The following GAL3ST2 variants were observed in gnomAD, a reference collection of about 807,000 sequenced individuals.
GAL3ST2 encodes the protein galactose-3-O-sulfotransferase 2.
A neutral mutation model predicts 12.9 loss-of-function variants in GAL3ST2; 16 were observed. The ratio of observed to expected loss-of-function variants is 1.24; its 90% CI spans 0.84 to 1.88. The LOEUF (loss-of-function observed/expected upper bound fraction) is 1.88, where lower values mean the gene tolerates loss of function less well. GAL3ST2 is among the 40% of genes most tolerant of loss of function. The probability of loss-of-function intolerance (pLI) is 0.00; values close to 1 mark genes in which losing one functional copy is unlikely to be tolerated. For synonymous variants in GAL3ST2, 302 were observed against 273.9 expected (o/e 1.10, Z -1.01); for missense variants, 639 against 571.8 (o/e 1.12, Z -1.20).
At chr2:241,787,485 A>T (rs1393529210) in intron 1 of GAL3ST2, among the ~76,000 whole-genome samples, 4 of 151,466 alleles carry the variant, frequency 2.6e-5, no homozygotes, top group Non-Finnish European at 4.4e-5. Flanking sequence ...GAGACTCCCT[A>T]ATCTCCCCAA....
chr2:241,787,689 G>A (rs549798936), intron 1 of GAL3ST2, among the ~76,000 whole-genome samples: 23 of 152,198 alleles, frequency 1.5e-4, no homozygotes, highest in African/African-American at 5.5e-4. Flanking sequence ...GCTCTAGGAT[G>A]GTAGAGAGCT....
rs1314540900 is a variant in GAL3ST2, at chr2:241,793,772, GTAT to G, written c.30-5288_30-5286del. Among the ~76,000 whole-genome samples, 4 of 151,616 alleles carry G rather than the reference GTAT, an allele frequency of 2.6e-5. No homozygotes were observed. Among genetic ancestry groups the G allele is most frequent in the East Asian group, 1.9e-4 (1 of 5,156 alleles). ...TGTGTGTATTGTGTATGTGTAGTGT[GTAT>G]TATTTGTGTGTGTGTGTATTGTGTG... On this transcript the variant is annotated intron_variant, in intron 1 of 3. Coordinates refer to ENST00000192314, the MANE Select transcript of GAL3ST2 (RefSeq NM_022134.3). This position sits in a 1 kb window ranked among gnomAD's most constrained non-coding sequence, Gnocchi z 4.7.
At chr2:241,783,733 T>C (rs1318844132) in intron 1 of GAL3ST2, among the ~76,000 whole-genome samples, 1 of 152,282 alleles carries the variant, frequency 6.6e-6, no homozygotes, top group Non-Finnish European at 1.5e-5. Context: ...TTTAACGTTA[T>C]GAAACTGCTC....
In GAL3ST2 at chr2:241,795,569, G is replaced by C. The variant is rs74677324; in HGVS notation, c.30-3496G>C. ...AGAAACCCTGCTGGTGAAGTCCTGC[G>C]TGGGCCTTATCAGTGAGTTAATCTC... is the stretch of plus-strand genomic sequence containing the variant. On this transcript the variant is annotated intron_variant, in intron 1 of 3. Transcript: ENST00000192314. This position sits in a 1 kb window ranked among gnomAD's most constrained non-coding sequence, Gnocchi z 4.5. Among the ~76,000 whole-genome samples the C allele has an allele frequency of 6.6e-6, 1 of 152,194 alleles. No homozygotes were observed. The highest frequency in any genetic ancestry group is 1.5e-5 in the Non-Finnish European group (1 of 68,040).
intron 1 of GAL3ST2, among the ~76,000 whole-genome samples, chr2:241,781,609 A>T (rs963737294): frequency 6.9e-5 from 10 of 144,992 alleles, no homozygotes; most frequent in African/African-American, 2.6e-4. Flanking sequence ...GATAACATAC[A>T]TTAAATTATA....
chr2:241,777,443 C>G (rs1376320524), intron 1 of GAL3ST2, among the ~76,000 whole-genome samples: 1 of 152,132 alleles, frequency 6.6e-6, no homozygotes, highest in Non-Finnish European at 1.5e-5. Context: ...GACGGGGAGG[C>G]TGGGCTCTGC....
At position 241,801,647 on chromosome 2, in the gene GAL3ST2, T is replaced by C; in HGVS notation, c.120-134T>C. The C allele has an allele frequency of 2.5e-6, 3 of 1,200,360 alleles. No homozygotes were observed. Among genetic ancestry groups the C allele is most frequent in the Non-Finnish European group, 3.4e-6 (3 of 878,284 alleles). The allele number at this position is 1,200,360 out of a possible 1,614,324, so 74.4% of individuals were successfully genotyped here. A position where few individuals can be genotyped will look rare whatever the true frequency, so the allele number is the denominator to read the frequency against. On this transcript the variant is annotated intron_variant, in intron 2 of 3. Coordinates refer to ENST00000192314, the MANE Select transcript of GAL3ST2 (RefSeq NM_022134.3). The surrounding 1 kb of genome is among the most constrained non-coding windows in gnomAD (Gnocchi z 4.4). ...GGCCATGGGTCGGTGCCTACCCAGT[T>C]GGCCCCCTGGCCTAGAGTTGGGGGG...
chr2:241,790,269 C>T (rs1042235946), intron 1 of GAL3ST2, among the ~76,000 whole-genome samples: 4 of 152,122 alleles, frequency 2.6e-5, no homozygotes, highest in Admixed American at 2.6e-4. Context: ...TCATGGAGAG[C>T]AGAAATGTTC....
Position 241,801,698 on chromosome 2 carries a change from G to A in GAL3ST2, c.120-83G>A, listed in dbSNP as rs1440636862. The A allele has an allele frequency of 3.9e-6, 6 of 1,526,780 alleles. No individual in the cohort carries two copies. In the Admixed American group the frequency reaches 5.6e-5, roughly 14 times the overall value. The allele number at this position is 1,526,780 out of a possible 1,614,324, so 94.6% of individuals were successfully genotyped here. On this transcript the variant is annotated intron_variant, in intron 2 of 3. Transcript: ENST00000192314. The surrounding 1 kb of genome is among the most constrained non-coding windows in gnomAD (Gnocchi z 4.4). ...CTCAGGTTGGGAGGTCTCTCCTTGC[G>A]GTTGCCGGGCTGGGGGTCGCTGTTG...
rs771580370 is a variant in GAL3ST2 at position 241,803,694 on chromosome 2, G to A, written c.725G>A (p.Arg242His). 95 of 1,545,164 alleles carry A rather than the reference G, an allele frequency of 6.1e-5. No homozygotes were observed. Among genetic ancestry groups the A allele is most frequent in the Non-Finnish European group, 7.8e-5 (89 of 1,144,194 alleles). ...CTGGTGCTGCTGCGGCGCCGGCTGC[G>A]CTGGGCGCTGGACGACGTGGTGGCC... is the stretch of plus-strand genomic sequence containing the variant. ...ESLVLLRRRL[R>H]WALDDVVAFR... The change falls in exon 4 of 4, where the codon CGC becomes CAC. Residue 242 changes from arginine to histidine, a missense_variant. Physicochemically the swap from Arg to His is conservative, Grantham distance 29. Coordinates refer to ENST00000192314, the MANE Select transcript of GAL3ST2 (RefSeq NM_022134.3).
At chr2:241,780,207 G>A (rs1699549822) in intron 1 of GAL3ST2, among the ~76,000 whole-genome samples, 1 of 151,910 alleles carries the variant, frequency 6.6e-6, no homozygotes, top group African/African-American at 2.4e-5. Flanking sequence ...TCTAACAACA[G>A]GTGTACTATA....
In GAL3ST2 at chr2:241,801,227, CCTTT is replaced by C. The variant is rs1559418419; in HGVS notation, c.120-553_120-550del. 1 of 154,018 alleles carries C rather than the reference CCTTT, an allele frequency of 6.5e-6. No homozygotes were observed. Among genetic ancestry groups the C allele is most frequent in the African/African-American group, 2.4e-5 (1 of 41,456 alleles). The allele number at this position is 154,018 out of a possible 1,614,324, so 9.5% of individuals were successfully genotyped here. A position where few individuals can be genotyped will look rare whatever the true frequency, so the allele number is the denominator to read the frequency against. ...AACATGCGGTGTTTGGTTTTCTGTTCCTTTGTTAGTCTGCTGAGGATGATGGTTT... is the reference window on the plus strand; with the variant it reads ...AACATGCGGTGTTTGGTTTTCTGTTCGTTAGTCTGCTGAGGATGATGGTTT... On this transcript the variant is annotated intron_variant, in intron 2 of 3. Coordinates refer to ENST00000192314, the MANE Select transcript of GAL3ST2 (RefSeq NM_022134.3). This position sits in a 1 kb window ranked among gnomAD's most constrained non-coding sequence, Gnocchi z 4.4.
chr2:241,803,848 G>A lies in GAL3ST2; in HGVS notation c.879G>A (p.Gln293=), dbSNP rs1370266908. 1 of 1,461,400 alleles carries A rather than the reference G, an allele frequency of 6.8e-7. No homozygotes were observed. Among genetic ancestry groups the A allele is most frequent in the Non-Finnish European group, 9.0e-7 (1 of 1,115,858 alleles). The allele number at this position is 1,461,400 out of a possible 1,614,324, so 90.5% of individuals were successfully genotyped here. The part of the protein sequence containing the change: ...YEHFNRTLWA[Q]LRAELGPRRL... ...ATTTCAACCGCACCCTCTGGGCGCA[G>A]CTGCGCGCCGAGCTGGGGCCGCGGC... Residue 293 remains glutamine (Q), a synonymous_variant, in exon 4 of 4, where the codon CAG becomes CAA. Coordinates refer to ENST00000192314, the MANE Select transcript of GAL3ST2 (RefSeq NM_022134.3).
Position 241,804,057 on chromosome 2 carries a change from TG to T in GAL3ST2, c.1091del (p.Gly364AlafsTer7). Reference sequence around the variant, plus strand: ...CGGCCGGGCCTGGACAACCAGACGCTGGGCGTGTGCCAGAGGCTTGTGATGC... The same window carrying T: ...CGGCCGGGCCTGGACAACCAGACGCTGGCGTGTGCCAGAGGCTTGTGATGC... ...NLRPGLDNQTLGVCQRLVMPE... is the reference protein window; with the variant it reads ...NLRPGLDNQTXGVCQRLVMPE... On this transcript the variant is annotated frameshift_variant, in exon 4 of 4. Transcript: ENST00000192314. LOFTEE classifies it low-confidence loss of function (END_TRUNC). 1 of 1,556,750 alleles carries T rather than the reference TG, an allele frequency of 6.4e-7. No homozygotes were observed. The highest frequency in any genetic ancestry group is 8.7e-7 in the Non-Finnish European group (1 of 1,152,336).
intron 1 of GAL3ST2, among the ~76,000 whole-genome samples, chr2:241,780,202 C>G (rs1480752905): frequency 6.6e-6 from 1 of 151,896 alleles, no homozygotes; most frequent in Non-Finnish European, 1.5e-5. Context: ...TAGAATCTAA[C>G]AACAGGTGTA....
At position 241,802,039 on chromosome 2, in the gene GAL3ST2, A is replaced by C; in HGVS notation, c.375+3A>C. The C allele has an allele frequency of 6.2e-7, 1 of 1,606,760 alleles. No homozygotes were observed. Among genetic ancestry groups the C allele is most frequent in the African/African-American group, 1.3e-5 (1 of 74,906 alleles). On this transcript the variant is annotated splice_donor_region_variant and intron_variant, in intron 3 of 3. Coordinates refer to ENST00000192314, the MANE Select transcript of GAL3ST2 (RefSeq NM_022134.3). This position sits in a 1 kb window ranked among gnomAD's most constrained non-coding sequence, Gnocchi z 4.8. ...ACCTGAGGTTCAACCTGCCTCAGGT[A>C]CCGCGGGCCTGCTGGGGAGGAGGGC... is the stretch of plus-strand genomic sequence containing the variant.
At chr2:241,790,760 T>C (rs1015864343) in intron 1 of GAL3ST2, among the ~76,000 whole-genome samples, 2 of 152,236 alleles carry the variant, frequency 1.3e-5, no homozygotes, top group Non-Finnish European at 2.9e-5. Flanking sequence ...TGTTTTCCTT[T>C]CTTCTCAGAT....
intron 1 of GAL3ST2, among the ~76,000 whole-genome samples, chr2:241,796,018 G>T (rs1465686448): frequency 6.6e-6 from 1 of 152,230 alleles, no homozygotes; most frequent in Non-Finnish European, 1.5e-5. Flanking sequence ...ACTGGCATTG[G>T]AGTCTGAGGT....
intron 1 of GAL3ST2, among the ~76,000 whole-genome samples, chr2:241,779,213 CATTTTT>C (rs1699533278): frequency 1.3e-4 from 13 of 97,146 alleles, no homozygotes; most frequent in African/African-American, 5.4e-4. Flanking sequence ...TAGGAAAGCT[CATTTTT>C]TTTTTTTTTT....
Sources: gnomAD v4.1 joint callset for allele counts (sites outside exome capture counted in the v4.1 genomes callset) on GRCh38, gnomAD v4.1.1 for gene constraint, Gnocchi (gnomAD v3.1) non-coding constraint, MANE v1.5 for transcripts, NCBI Gene and HGNC (gene_info 2026-07-23, HGNC 2026-07-21) for gene names.